USP48: variants seen among roughly 807,000 people sequenced by gnomAD.
USP48 encodes ubiquitin carboxyl-terminal hydrolase 48.
In USP48, 43 loss-of-function variants were observed where a neutral mutation model predicts 150.7. The ratio of observed to expected loss-of-function variants is 0.29; its 90% CI spans 0.22 to 0.37. The LOEUF is 0.37. Among genes scored for constraint, USP48 ranks in the 10% least tolerant of loss-of-function variants. The pLI, the probability that USP48 is intolerant of heterozygous loss-of-function variation, is 1.00. For missense variants in USP48, 813 were observed against 1,249.6 expected (o/e 0.65, Z 5.27); for synonymous variants, 396 against 425.9 (o/e 0.93, Z 0.86).
At chr1:21,737,431 A>G (rs2097771122) in intron 8 of USP48, among the ~76,000 whole-genome samples, 1 of 152,258 alleles carries the variant, frequency 6.6e-6, no homozygotes, top group African/African-American at 2.4e-5. Flanking sequence ...AATAAAATCT[A>G]CAAATCATAG....
At chr1:21,727,945 C>T (rs1040705457) in intron 11 of USP48, 1 of 985,104 alleles carries the variant, frequency 1.0e-6, no homozygotes, top group Admixed American at 6.2e-5. Flanking sequence ...TTTAAAATGA[C>T]AAAGATAACT....
At chr1:21,774,709 T>G (rs1411281603) in intron 1 of USP48, among the ~76,000 whole-genome samples, 1 of 149,788 alleles carries the variant, frequency 6.7e-6, no homozygotes, top group South Asian at 2.1e-4. Context: ...GAAAAAAGAA[T>G]AGCCAGGTGC....
rs1423373292 is a variant in USP48 at position 21,729,719 on chromosome 1, T to C, written c.1285A>G (p.Thr429Ala). ...RLQTQEKPNT[T>A]VQVPAFLQEL... is the part of the protein sequence containing the mutation. The stretch of plus-strand genomic sequence containing the variant: ...ACTGCTTTACCTGGAACTTGAACAG[T>C]AGTGTTGGGCTTTTCTTGAGTTTGC... The change falls in exon 10 of 27, where the codon ACT (threonine) becomes GCT (alanine). Residue 429 changes from threonine to alanine, a missense_variant. Thr to Ala is a moderately conservative substitution (Grantham distance 58). Coordinates refer to ENST00000308271, the MANE Select transcript of USP48 (RefSeq NM_032236.8). 5 of 1,613,886 alleles carry C rather than the reference T, an allele frequency of 3.1e-6. No individual in the cohort carries two copies. The East Asian group carries it at 6.7e-5, about 22-fold the overall frequency.
At chr1:21,747,461 T>G (rs1383732894) in intron 7 of USP48, among the ~76,000 whole-genome samples, 1 of 152,208 alleles carries the variant, frequency 6.6e-6, no homozygotes, top group Non-Finnish European at 1.5e-5. Context: ...ATTTTAATTA[T>G]AAAATGAAAA....
rs1366895111 is a variant in USP48 at position 21,679,466 on chromosome 1, A to G, written c.3086-27T>C. On this transcript the variant is annotated intron_variant, in intron 26 of 26. Coordinates refer to ENST00000308271, the MANE Select transcript of USP48 (RefSeq NM_032236.8). ...TGGGAAAAGAAACACACGTGGAGGGATAGTTGTGAACTACAGATTAAAAGT... is the reference window on the plus strand; with the variant it reads ...TGGGAAAAGAAACACACGTGGAGGGGTAGTTGTGAACTACAGATTAAAAGT... 9 of 1,613,644 alleles carry G rather than the reference A, an allele frequency of 5.6e-6. No individual in the cohort carries two copies. In the African/African-American group the frequency reaches 6.7e-5, roughly 12 times the overall value.
chr1:21,765,999 G>C (rs1018914331), intron 1 of USP48, among the ~76,000 whole-genome samples: 1 of 149,056 alleles, frequency 6.7e-6, no homozygotes, highest in Non-Finnish European at 1.5e-5. Flanking sequence ...GAAATCAATA[G>C]AACTGGGGAC....
chr1:21,720,897 A>T (rs919202134), intron 14 of USP48, 139 bp downstream of exon 14: 2 of 1,134,384 alleles, frequency 1.8e-6, no homozygotes, highest in African/African-American at 3.1e-5. Flanking sequence ...TGGGGCTGGC[A>T]CAACCGCTGG....
At chr1:21,707,887 G>C (rs1268866356) in intron 15 of USP48, among the ~76,000 whole-genome samples, 1 of 152,196 alleles carries the variant, frequency 6.6e-6, no homozygotes, top group African/African-American at 2.4e-5. Flanking sequence ...CTATAGGCCA[G>C]GCACAGAGGC....
chr1:21,693,541 G>A (rs2097610386), intron 23 of USP48, among the ~76,000 whole-genome samples: 4 of 152,232 alleles, frequency 2.6e-5, no homozygotes, highest in African/African-American at 7.2e-5. Flanking sequence ...TCTTCTAGCA[G>A]CTCATTCGGG....
chr1:21,697,646 G>C (rs1446871691), intron 22 of USP48, among the ~76,000 whole-genome samples: 1 of 149,022 alleles, frequency 6.7e-6, no homozygotes, highest in African/African-American at 2.5e-5. Context: ...CTGGGCAACA[G>C]GGCAAGACTC....
intron 10 of USP48, 47 bp from the exon 11 acceptor site, chr1:21,728,766 A>G (rs770200451): frequency 2.9e-5 from 47 of 1,599,102 alleles, no homozygotes; most frequent in Non-Finnish European, 3.7e-5. Context: ...TTGTTTTCAC[A>G]TATAGTGAAC....
intron 9 of USP48, among the ~76,000 whole-genome samples, chr1:21,731,659 T>A (rs907053630): frequency 6.6e-6 from 1 of 151,134 alleles, no homozygotes; most frequent in Non-Finnish European, 1.5e-5. Context: ...GGCAGGTAGA[T>A]CACCTGAGGT....
intron 8 of USP48, among the ~76,000 whole-genome samples, chr1:21,741,358 A>G (rs2097781125): frequency 1.3e-5 from 2 of 152,250 alleles, no homozygotes; most frequent in Non-Finnish European, 2.9e-5. Flanking sequence ...TTCAACAGCA[A>G]CAACGGATGC....
At chr1:21,758,602 T>A (rs1453539588) in intron 1 of USP48, among the ~76,000 whole-genome samples, 3 of 151,710 alleles carry the variant, frequency 2.0e-5, no homozygotes, top group Admixed American at 6.6e-5. Context: ...ATACAAAAAT[T>A]AGCCGGGCGT....
chr1:21,720,919 C>T (rs909258415), intron 14 of USP48, 117 bp downstream of exon 14: 19 of 1,354,072 alleles, frequency 1.4e-5, no homozygotes, highest in Non-Finnish European at 1.8e-5. Context: ...CTCAAGTGAT[C>T]TGCCCGTCTG....
intron 1 of USP48, among the ~76,000 whole-genome samples, chr1:21,760,789 T>C (rs925666068): frequency 6.8e-6 from 1 of 147,438 alleles, no homozygotes; most frequent in Non-Finnish European, 1.5e-5. Context: ...TATAACGATA[T>C]CATTAGTTGA....
At chr1:21,763,153 G>T (rs76024755) in intron 1 of USP48, among the ~76,000 whole-genome samples, 39 of 152,294 alleles carry the variant, frequency 2.6e-4, no homozygotes, top group African/African-American at 9.4e-4. Flanking sequence ...GCTACTATGA[G>T]AAGCTGGGAG....
At chr1:21,718,331 G>T (rs961175561) in intron 14 of USP48, among the ~76,000 whole-genome samples, 1 of 152,308 alleles carries the variant, frequency 6.6e-6, no homozygotes, top group Non-Finnish European at 1.5e-5. Context: ...ATTATAAAAA[G>T]CCACTATTTA....
At chr1:21,725,486 T>C (rs916779627) in intron 11 of USP48, among the ~76,000 whole-genome samples, 2 of 152,058 alleles carry the variant, frequency 1.3e-5, no homozygotes, top group African/African-American at 4.8e-5. Context: ...GCATGGTGGC[T>C]CACGCCTGTA....
Sources: allele counts gnomAD v4.1 joint callset (sites outside exome capture counted in the v4.1 genomes callset), GRCh38; gene constraint gnomAD v4.1.1; transcripts MANE v1.5; gene names NCBI Gene and HGNC (gene_info 2026-07-23, HGNC 2026-07-21).